STRN: variants seen among roughly 807,000 people sequenced by gnomAD.
STRN encodes protein phosphatase 2 regulatory subunit B'''alpha.
STRN carries 53 observed loss-of-function variants against 96.3 expected under a neutral mutation model. The observed-to-expected ratio is 0.55, with a 90% CI of 0.44 to 0.69. The LOEUF (loss-of-function observed/expected upper bound fraction) is 0.69, where lower values mean the gene tolerates loss of function less well. STRN is among the 30% of genes least tolerant of loss of function. The probability of loss-of-function intolerance (pLI) is 0.00; values close to 1 mark genes in which losing one functional copy is unlikely to be tolerated. For missense variants in STRN, 987 were observed against 963.9 expected (o/e 1.02, Z -0.32); for synonymous variants, 428 against 355.9 (o/e 1.20, Z -2.28).
At chr2:36,935,820 G>A (rs182879285) in intron 1 of STRN, among the ~76,000 whole-genome samples, 68 of 152,252 alleles carry the variant, frequency 4.5e-4, no homozygotes, top group Admixed American at 2.0e-3. Context: ...AAGAACATAC[G>A]AAGTAGAAGT....
chr2:36,924,535 G>A (rs6758635), intron 2 of STRN, among the ~76,000 whole-genome samples: 8 of 152,020 alleles, frequency 5.3e-5, no homozygotes, highest in East Asian at 1.9e-4. Flanking sequence ...TTAACAGTTC[G>A]GGGAGCATAT....
rs1669697855 is a variant in STRN, at chr2:36,902,115, C to A, written c.659+469G>T. 2.6e-5 allele frequency among the ~76,000 whole-genome samples: 4 copies of A among 152,276 alleles called. No homozygotes were observed. The South Asian group carries it at 8.3e-4, about 32-fold the overall frequency. ...TTTCAAATAGCTACTGAATTGTTCA[C>A]ACTTACGCTGTCACTTCAAAATAGC... On this transcript the variant is annotated intron_variant, in intron 5 of 17. Transcript: ENST00000263918.
At chr2:36,864,153 T>C (rs1572630785) in intron 12 of STRN, among the ~76,000 whole-genome samples, 1 of 152,202 alleles carries the variant, frequency 6.6e-6, no homozygotes, top group African/African-American at 2.4e-5. Context: ...TTTCTTTTCC[T>C]TGCCTGACTG....
At chr2:36,951,986 G>A (rs772634934) in intron 1 of STRN, among the ~76,000 whole-genome samples, 5 of 152,124 alleles carry the variant, frequency 3.3e-5, no homozygotes, top group Non-Finnish European at 5.9e-5. Flanking sequence ...TAGGTTGTGC[G>A]GCACTCCCAA....
At chr2:36,858,754 A>G (rs1470675926) in intron 13 of STRN, among the ~76,000 whole-genome samples, 1 of 152,258 alleles carries the variant, frequency 6.6e-6, no homozygotes, top group African/African-American at 2.4e-5. Context: ...TCTGTCACAC[A>G]TACCATAAAA....
In STRN at chr2:36,965,362, T is replaced by A. The variant is rs547730845; in HGVS notation, c.234+868A>T. Among the ~76,000 whole-genome samples the A allele has an allele frequency of 1.6e-4, 25 of 152,342 alleles. No homozygotes were observed. In the South Asian group the frequency reaches 5.2e-3, roughly 32 times the overall value. ...CCAATTCTGAATGGCTTGTAAAGTA[T>A]CAGCCTCACTTTCATTCTTTTCAGA... is the stretch of plus-strand genomic sequence containing the variant. On this transcript the variant is annotated intron_variant, in intron 1 of 17. Coordinates refer to ENST00000263918, the MANE Select transcript of STRN (RefSeq NM_003162.4).
Position 36,965,398 on chromosome 2 carries a change from A to G in STRN, c.234+832T>C, listed in dbSNP as rs140521043. Among the ~76,000 whole-genome samples the G allele has an allele frequency of 7.2e-5, 11 of 152,346 alleles. No homozygotes were observed. In the East Asian group the frequency reaches 1.9e-3, roughly 27 times the overall value. ...TTCATTCTTTTCAGAGCCCACAGTT[A>G]TCTCCTCCCTGGATATACTTTATCT... is the stretch of plus-strand genomic sequence containing the variant. On this transcript the variant is annotated intron_variant, in intron 1 of 17. Transcript: ENST00000263918.
chr2:36,868,388 GATA>G (rs1430162925), intron 11 of STRN, among the ~76,000 whole-genome samples: 1 of 152,136 alleles, frequency 6.6e-6, no homozygotes, highest in East Asian at 1.9e-4. Flanking sequence ...TTCCAATAAG[GATA>G]ATATGTCTAT....
intron 2 of STRN, among the ~76,000 whole-genome samples, chr2:36,917,142 A>G (rs1481160044): frequency 6.6e-6 from 1 of 152,038 alleles, no homozygotes; most frequent in Non-Finnish European, 1.5e-5. Flanking sequence ...TAAAGGAAGC[A>G]AAGTGTAACA....
At chr2:36,956,022 A>G (rs889856822) in intron 1 of STRN, among the ~76,000 whole-genome samples, 1 of 152,214 alleles carries the variant, frequency 6.6e-6, no homozygotes, top group Admixed American at 6.5e-5. Context: ...GGATTTTTCC[A>G]CTTGTGACAT....
intron 15 of STRN, among the ~76,000 whole-genome samples, chr2:36,853,369 G>C (rs901457053): frequency 2.0e-5 from 3 of 152,184 alleles, no homozygotes; most frequent in Non-Finnish European, 4.4e-5. Context: ...AATACTTTAA[G>C]TGAAATATCC....
At chr2:36,873,098 C>A (rs1668807567) in intron 10 of STRN, among the ~76,000 whole-genome samples, 1 of 152,144 alleles carries the variant, frequency 6.6e-6, no homozygotes, top group Non-Finnish European at 1.5e-5. Context: ...GTTATGATTT[C>A]AAAGGGTGGC....
rs1668134337 is a variant in STRN, at chr2:36,848,387, A to C, written c.*1069T>G. 1 of 152,216 alleles carries C rather than the reference A, an allele frequency of 6.6e-6. No individual in the cohort carries two copies. Among genetic ancestry groups the C allele is most frequent in the Admixed American group, 6.6e-5 (1 of 15,256 alleles). 9.4% of individuals were successfully genotyped at this position (152,216 alleles called of 1,614,324 possible). On this transcript the variant is annotated 3_prime_UTR_variant, in exon 18 of 18. Coordinates refer to ENST00000263918, the MANE Select transcript of STRN (RefSeq NM_003162.4). ...CTGCAAAAGCAGCTGCGTGAAGTTA[A>C]CCATACTCTTTGGGCTATTAATAAT...
intron 12 of STRN, among the ~76,000 whole-genome samples, chr2:36,866,466 T>C (rs1234668532): frequency 1.3e-5 from 2 of 152,218 alleles, no homozygotes; most frequent in African/African-American, 4.8e-5. Flanking sequence ...AGGAGTGTGG[T>C]TGATTTTAGA....
intron 3 of STRN, 98 bp downstream of exon 3, chr2:36,915,980 C>T (rs888944014): frequency 2.3e-5 from 25 of 1,101,002 alleles, no homozygotes; most frequent in Non-Finnish European, 3.0e-5. Flanking sequence ...AACTAATACA[C>T]AAATAATTAG....
intron 1 of STRN, among the ~76,000 whole-genome samples, chr2:36,936,013 T>C (rs1048673124): frequency 6.6e-6 from 1 of 152,050 alleles, no homozygotes; most frequent in Admixed American, 6.6e-5. Context: ...TTATAAATAT[T>C]TTAAATATTA....
chr2:36,940,473 A>G (rs1388971015), intron 1 of STRN, among the ~76,000 whole-genome samples: 1 of 152,130 alleles, frequency 6.6e-6, no homozygotes, highest in African/African-American at 2.4e-5. Context: ...AGCTGAGTAA[A>G]AGTTTCCTGT....
In STRN at chr2:36,844,755, A is replaced by G. The variant is rs1668023813; in HGVS notation, c.*4701T>C. On this transcript the variant is annotated 3_prime_UTR_variant, in exon 18 of 18. Coordinates refer to ENST00000263918, the MANE Select transcript of STRN (RefSeq NM_003162.4). ...TCAACCTGGCATCCCTGACACTGAC[A>G]TGAAGATCCAGTTGGATGATGGATA... 6.6e-6 allele frequency: 1 copy of G among 152,172 alleles called. No individual in the cohort carries two copies. The highest frequency in any genetic ancestry group is 2.4e-5 in the African/African-American group (1 of 41,460). The allele number at this position is 152,172 out of a possible 1,614,324, so 9.4% of individuals were successfully genotyped here.
At chr2:36,858,437 T>A (rs1360773617) in intron 13 of STRN, among the ~76,000 whole-genome samples, 1 of 152,202 alleles carries the variant, frequency 6.6e-6, no homozygotes, top group Non-Finnish European at 1.5e-5. Context: ...GCACTTTGGC[T>A]ATACTTCCTT....
Sources: allele counts gnomAD v4.1 joint callset (sites outside exome capture counted in the v4.1 genomes callset), GRCh38; gene constraint gnomAD v4.1.1; transcripts MANE v1.5; gene names NCBI Gene and HGNC (gene_info 2026-07-23, HGNC 2026-07-21).